Variants in TP63 observed in about 807,000 individuals in gnomAD.
The protein encoded by TP63 is tumor protein 63.
Under a neutral mutation model 82.8 loss-of-function variants are expected in TP63, and 17 were observed. That is an observed-to-expected ratio of 0.21 (90% CI 0.14 to 0.31). The LOEUF (loss-of-function observed/expected upper bound fraction) is 0.31, where lower values mean the gene tolerates loss of function less well. Ranked by LOEUF, TP63 falls within the 10% of genes least tolerant of loss-of-function variation. The probability of loss-of-function intolerance (pLI) is 1.00; values close to 1 mark genes in which losing one functional copy is unlikely to be tolerated. For missense variants in TP63, 648 were observed against 895.3 expected (o/e 0.72, Z 3.52); for synonymous variants, 330 against 321.7 (o/e 1.03, Z -0.28).
chr3:189,624,274 C>G, the TP63 span, among the ~76,000 whole-genome samples: 1 of 152,092 alleles, frequency 6.6e-6, no homozygotes, highest in Non-Finnish European at 1.5e-5. Flanking sequence ...TCTTGCAAAA[C>G]TGAAACTCTA....
intron 1 of TP63, chr3:189,645,545 G>A (rs556312635): frequency 6.3e-6 from 1 of 158,750 alleles, no homozygotes; most frequent in South Asian, 2.0e-4. Flanking sequence ...TAGGGTACAT[G>A]TGCACAACGT....
At chr3:189,892,685 A>C (rs1479471507) in intron 13 of TP63, among the ~76,000 whole-genome samples, 2 of 152,012 alleles carry the variant, frequency 1.3e-5, no homozygotes, top group Non-Finnish European at 2.9e-5. Context: ...CCAGCTACTC[A>C]GGAGGCCGAG....
chr3:189,600,489 T>C, the TP63 span, among the ~76,000 whole-genome samples: 2 of 152,214 alleles, frequency 1.3e-5, no homozygotes, highest in African/African-American at 4.8e-5. Flanking sequence ...ATGTAGCAGA[T>C]AGAAAAACCA....
At position 189,737,847 on chromosome 3, in the gene TP63, A is replaced by G. The variant is rs1370488031; in HGVS notation, c.170A>G (p.His57Arg). Reference sequence around the variant, plus strand: ...TTCCTCAGTCCAGAGGTTTTCCAGCATATCTGGGATTTTCTGGAACAGTAA... The same window carrying G: ...TTCCTCAGTCCAGAGGTTTTCCAGCGTATCTGGGATTTTCTGGAACAGTAA... ...NEFLSPEVFQHIWDFLEQPIC... is the reference protein window; with the variant it reads ...NEFLSPEVFQRIWDFLEQPIC... Residue 57 changes from histidine to arginine, a missense_variant, in exon 2 of 14, where the codon CAT becomes CGT. This residue lies in a region of TP63 where 182 missense variants were observed against 213.6 expected (regional missense o/e 0.85). Coordinates refer to ENST00000264731, the MANE Select transcript of TP63 (RefSeq NM_003722.5). The G allele has an allele frequency of 6.2e-7, 1 of 1,613,946 alleles. No individual in the cohort carries two copies. The highest frequency in any genetic ancestry group is 1.1e-5 in the South Asian group (1 of 91,082).
chr3:189,672,708 A>G (rs368807150), intron 1 of TP63, among the ~76,000 whole-genome samples: 104 of 102,306 alleles, frequency 1.0e-3, no homozygotes, highest in Middle Eastern at 0.015. Context: ...AAGGAAGGAA[A>G]GAAGGAAGGC....
intron 4 of TP63, among the ~76,000 whole-genome samples, chr3:189,842,591 A>G (rs144272014): frequency 6.6e-6 from 1 of 152,308 alleles, no homozygotes; most frequent in Non-Finnish European, 1.5e-5. Context: ...ATTGAGGGGC[A>G]GGGGAGCACA....
intron 3 of TP63, among the ~76,000 whole-genome samples, chr3:189,805,025 T>C (rs180678879): frequency 2.6e-5 from 4 of 152,346 alleles, no homozygotes; most frequent in African/African-American, 9.6e-5. Context: ...CCCTTGGGAC[T>C]GGATATAATT....
Position 189,764,705 on chromosome 3 carries a change from T to A in TP63, c.324+25931T>A, listed in dbSNP as rs560921588. Among the ~76,000 whole-genome samples the A allele has an allele frequency of 2.0e-5, 3 of 152,358 alleles. No individual in the cohort carries two copies. The South Asian group carries it at 6.2e-4, about 32-fold the overall frequency. ...ATAGTTCTAACTTCATTGTGTTTAC[T>A]TATCATCCTCCCAAGAAGCTGGGAG... is the stretch of plus-strand genomic sequence containing the variant. On this transcript the variant is annotated intron_variant, in intron 3 of 13. Coordinates refer to ENST00000264731, the MANE Select transcript of TP63 (RefSeq NM_003722.5).
chr3:189,626,185 T>C, the TP63 span, among the ~76,000 whole-genome samples: 6 of 152,172 alleles, frequency 3.9e-5, no homozygotes, highest in East Asian at 1.2e-3. Flanking sequence ...CTGTAGCAAA[T>C]ATTAGGTCCA....
intron 1 of TP63, among the ~76,000 whole-genome samples, chr3:189,654,693 G>GA (rs1286080409): frequency 1.1e-4 from 17 of 152,200 alleles, no homozygotes; most frequent in East Asian, 3.9e-4. Context: ...TATGCAAGCT[G>GA]AAAAAAATCT....
intron 1 of TP63, among the ~76,000 whole-genome samples, chr3:189,733,038 CGT>C (rs1720289247): frequency 6.6e-6 from 1 of 152,218 alleles, no homozygotes; most frequent in East Asian, 1.9e-4. Context: ...CATGCTGTCA[CGT>C]GCAAGGAAGC....
chr3:189,801,342 C>G (rs916615256), intron 3 of TP63, among the ~76,000 whole-genome samples: 28 of 151,854 alleles, frequency 1.8e-4, no homozygotes. Flanking sequence ...TGAATATTTC[C>G]CCTAATACCA....
At chr3:189,625,378 G>A in the TP63 span, among the ~76,000 whole-genome samples, 1 of 151,878 alleles carries the variant, frequency 6.6e-6, no homozygotes, top group Non-Finnish European at 1.5e-5. Flanking sequence ...ACAAACAACT[G>A]GCCTGTGCTT....
chr3:189,721,877 A>G (rs537480931), intron 1 of TP63, among the ~76,000 whole-genome samples: 1 of 152,338 alleles, frequency 6.6e-6, no homozygotes, highest in South Asian at 2.1e-4. Flanking sequence ...ATTTAATTGA[A>G]CTGGGGTAGT....
intron 10 of TP63, among the ~76,000 whole-genome samples, chr3:189,877,766 A>G (rs1180803808): frequency 6.6e-6 from 1 of 152,224 alleles, no homozygotes; most frequent in African/African-American, 2.4e-5. Context: ...TAAAGCTAAG[A>G]CTAGAATCAG....
chr3:189,712,742 G>C (rs992381952), intron 1 of TP63, among the ~76,000 whole-genome samples: 1 of 150,996 alleles, frequency 6.6e-6, no homozygotes, highest in South Asian at 2.1e-4. Flanking sequence ...AATATGGAAA[G>C]GTGTTTCAGA....
chr3:189,780,321 C>T (rs1286604540), intron 3 of TP63, among the ~76,000 whole-genome samples: 1 of 152,148 alleles, frequency 6.6e-6, no homozygotes, highest in African/African-American at 2.4e-5. Flanking sequence ...ATCACTGTAC[C>T]CTTCTTTGCC....
Position 189,699,081 on chromosome 3 carries a change from A to G in TP63, c.63-38659A>G, listed in dbSNP as rs138712171. Among the ~76,000 whole-genome samples, 4 of 152,282 alleles carry G rather than the reference A, an allele frequency of 2.6e-5. No homozygotes were observed. The East Asian group carries it at 7.7e-4, about 29-fold the overall frequency. ...TCCTCCATTCACAAAGCTTACAATC[A>G]AGTAGGAAAGAAAGATCAATTTTCC... On this transcript the variant is annotated intron_variant, in intron 1 of 13. Coordinates refer to ENST00000264731, the MANE Select transcript of TP63 (RefSeq NM_003722.5).
chr3:189,670,191 C>A (rs756220284), intron 1 of TP63, among the ~76,000 whole-genome samples: 10 of 151,976 alleles, frequency 6.6e-5, no homozygotes, highest in Non-Finnish European at 1.5e-4. Context: ...TGAAGACTGA[C>A]ACATCCAAAG....
Sources: allele counts gnomAD v4.1 joint callset (sites outside exome capture counted in the v4.1 genomes callset), GRCh38; gene constraint gnomAD v4.1.1; regional missense constraint gnomAD v4.1.1; transcripts MANE v1.5; gene names NCBI Gene and HGNC (gene_info 2026-07-23, HGNC 2026-07-21).